The following MAP3K1 variants were observed in gnomAD, a reference collection of about 807,000 sequenced individuals.
The protein encoded by MAP3K1 is MAP/ERK kinase kinase 1.
In MAP3K1, 36 loss-of-function variants were observed where a neutral mutation model predicts 144.2. That is an observed-to-expected ratio of 0.25 (90% CI 0.19 to 0.33). MAP3K1 has a LOEUF of 0.33. Ranked by LOEUF, MAP3K1 falls within the 10% of genes least tolerant of loss-of-function variation. The pLI is 1.00. For synonymous variants in MAP3K1, 718 were observed against 688.7 expected, an observed-to-expected ratio of 1.04 and a Z score of -0.67; for missense variants, 1,650 against 1,881.9, an observed-to-expected ratio of 0.88 and a Z score of 2.28.
intron 1 of MAP3K1, among the ~76,000 whole-genome samples, chr5:56,816,716 C>T (rs1745985916): frequency 5.3e-5 from 8 of 152,176 alleles, no homozygotes; most frequent in Admixed American, 5.2e-4. Flanking sequence ...CTGTCAAAGC[C>T]GTGCGGCGGG....
At position 56,895,215 on chromosome 5, in the gene MAP3K1, G is replaced by A. The variant is rs1748668293; in HGVS notation, c.*1535G>A. 2 of 231,838 alleles carry A rather than the reference G, an allele frequency of 8.6e-6. No homozygotes were observed. The highest frequency in any genetic ancestry group is 4.4e-5 in the African/African-American group (2 of 45,242). 14.4% of individuals were successfully genotyped at this position (231,838 alleles called of 1,614,324 possible). The stretch of plus-strand genomic sequence containing the variant: ...ATATATTGCTTACAATTTTTAAAAG[G>A]CAGTTTGTTTTTTATGTGAATATGT... On this transcript the variant is annotated 3_prime_UTR_variant, in exon 20 of 20. Transcript: ENST00000399503.
intron 1 of MAP3K1, among the ~76,000 whole-genome samples, chr5:56,839,559 A>G (rs1302929915): frequency 6.6e-6 from 1 of 152,172 alleles, no homozygotes; most frequent in African/African-American, 2.4e-5. Flanking sequence ...TCCTTCAATA[A>G]TGTCATTTAG....
chr5:56,862,370 G>A (rs1747542533), intron 3 of MAP3K1, among the ~76,000 whole-genome samples: 1 of 152,176 alleles, frequency 6.6e-6, no homozygotes, highest in African/African-American at 2.4e-5. Context: ...ACCCAGAATT[G>A]ATGTGATAGG....
chr5:56,857,880 G>A (rs1036146812), intron 2 of MAP3K1, among the ~76,000 whole-genome samples: 3 of 152,150 alleles, frequency 2.0e-5, no homozygotes, highest in Admixed American at 1.3e-4. Flanking sequence ...CATTCTAACC[G>A]ATGGAATTAT....
rs1748293799 is a variant in MAP3K1 at position 56,883,684 on chromosome 5, A to G, written c.3819+5A>G. 1.2e-6 allele frequency: 2 copies of G among 1,613,882 alleles called. No homozygotes were observed. The highest frequency in any genetic ancestry group is 1.7e-5 in the Admixed American group (1 of 60,002). The stretch of plus-strand genomic sequence containing the variant: ...ACTTTAATGGCTGTTAAACAGGTAA[A>G]TATCTAGTGAGCATATAAATGAAAT... On this transcript the variant is annotated splice_donor_5th_base_variant and intron_variant, in intron 15 of 19. Coordinates refer to ENST00000399503, the MANE Select transcript of MAP3K1 (RefSeq NM_005921.2).
chr5:56,866,947 C>A (rs1747692474), intron 6 of MAP3K1, among the ~76,000 whole-genome samples: 1 of 152,156 alleles, frequency 6.6e-6, no homozygotes, highest in South Asian at 2.1e-4. Flanking sequence ...AGAGGTTATG[C>A]AGCTCATTTG....
intron 1 of MAP3K1, among the ~76,000 whole-genome samples, chr5:56,819,078 A>G (rs138872535): frequency 2.4e-4 from 37 of 152,354 alleles, no homozygotes; most frequent in African/African-American, 5.8e-4. Flanking sequence ...GAATGGTGTC[A>G]GTTTCATTTT....
At chr5:56,883,189 TCA>T (rs1459003044) in intron 14 of MAP3K1, among the ~76,000 whole-genome samples, 1 of 152,192 alleles carries the variant, frequency 6.6e-6, no homozygotes, top group East Asian at 1.9e-4. Context: ...AGACACTGTC[TCA>T]CAGAGAGCTT....
chr5:56,855,082 C>A (rs1008806131), intron 1 of MAP3K1, among the ~76,000 whole-genome samples: 5 of 152,002 alleles, frequency 3.3e-5, no homozygotes, highest in Admixed American at 2.6e-4. Context: ...CTGTGTTCTT[C>A]ACCCCTACCT....
rs117263919 is a variant in MAP3K1, at chr5:56,862,169, C to G, written c.834+2254C>G. 1.9e-4 allele frequency: 29 copies of G among 152,370 alleles called. 1 individual carries two copies. The East Asian group carries it at 3.7e-3, about 19-fold the overall frequency. The allele number at this position is 152,370 out of a possible 1,614,324, so 9.4% of individuals were successfully genotyped here. A position where few individuals can be genotyped will look rare whatever the true frequency, so the allele number is the denominator to read the frequency against. On this transcript the variant is annotated intron_variant, in intron 3 of 19. Transcript: ENST00000399503. Reference sequence around the variant, plus strand: ...AAAGGTCCAAGACTGCTTCTTCACTCACATGCCTATTGCTTCAGCTGGGAT... The same window carrying G: ...AAAGGTCCAAGACTGCTTCTTCACTGACATGCCTATTGCTTCAGCTGGGAT...
rs201310278 is a variant in MAP3K1 at position 56,879,026 on chromosome 5, C to G, written c.2012C>G (p.Ala671Gly). The change falls in exon 11 of 20, where the codon GCG (alanine) becomes GGG (glycine). Residue 671 changes from alanine (A) to glycine (G), a missense_variant. Coordinates refer to ENST00000399503, the MANE Select transcript of MAP3K1 (RefSeq NM_005921.2). The stretch of plus-strand genomic sequence containing the variant: ...GTATATACTCCTTGCCACAGTTTAG[C>G]GGAAAGAATCAAACTTCAGAGACTT... ...MLVYTPCHSL[A>G]ERIKLQRLLQ... The G allele has an allele frequency of 6.2e-7, 1 of 1,613,634 alleles. No individual in the cohort carries two copies. Among genetic ancestry groups the G allele is most frequent in the Non-Finnish European group, 8.5e-7 (1 of 1,179,794 alleles).
In MAP3K1 at chr5:56,875,163, T is replaced by G. The variant is rs368969543; in HGVS notation, c.1818T>G (p.Ser606=). ...CAAATGGGGAGAGCACTGGAAATTC[T>G]GGGGGCAGCAGTGGAAGCAGCCCGA... ...LLANGESTGN[S]GGSSGSSPSG... The change falls in exon 10 of 20, where the codon TCT becomes TCG. Residue 606 remains serine, a synonymous_variant. Coordinates refer to ENST00000399503, the MANE Select transcript of MAP3K1 (RefSeq NM_005921.2). 1.9e-5 allele frequency: 31 copies of G among 1,614,062 alleles called. No homozygotes were observed. The African/African-American group carries it at 3.6e-4, about 19-fold the overall frequency.
rs1406908752 is a variant in MAP3K1, at chr5:56,865,917, G to A, written c.1241G>A (p.Arg414His). Reference sequence around the variant, plus strand: ...AACACCATCCAGAAGTTTGTTTCACGCATGTCAAATTCTCATACATTGTCA... The same window carrying A: ...AACACCATCCAGAAGTTTGTTTCACACATGTCAAATTCTCATACATTGTCA... ...SRNTIQKFVSRMSNSHTLSSS... is the reference protein window; with the variant it reads ...SRNTIQKFVSHMSNSHTLSSS... Residue 414 changes from arginine to histidine, a missense_variant, in exon 6 of 20, where the codon CGC (arginine) becomes CAC (histidine). Physicochemically the swap from Arg to His is conservative, Grantham distance 29 (BLOSUM62 0). Transcript: ENST00000399503. 3.7e-6 allele frequency: 6 copies of A among 1,612,944 alleles called. No individual in the cohort carries two copies. Among genetic ancestry groups the A allele is most frequent in the South Asian group, 1.1e-5 (1 of 91,044 alleles).
chr5:56,875,951 G>A (rs767605288), intron 10 of MAP3K1, among the ~76,000 whole-genome samples: 11 of 152,068 alleles, frequency 7.2e-5, no homozygotes, highest in Non-Finnish European at 1.5e-4. Context: ...AATAAACATT[G>A]TCATGTGGAG....
At chr5:56,825,782 G>A (rs1462945675) in intron 1 of MAP3K1, among the ~76,000 whole-genome samples, 1 of 152,020 alleles carries the variant, frequency 6.6e-6, no homozygotes, top group Non-Finnish European at 1.5e-5. Context: ...GCTAACCCAG[G>A]GTCAGGCCAC....
At chr5:56,829,275 C>T (rs372833848) in intron 1 of MAP3K1, among the ~76,000 whole-genome samples, 7 of 151,174 alleles carry the variant, frequency 4.6e-5, no homozygotes, top group Non-Finnish European at 8.8e-5. Flanking sequence ...TCAACCTTAG[C>T]GGGCTCAGTG....
In MAP3K1 at chr5:56,815,627, G is replaced by A. The variant is rs994813732; in HGVS notation, c.54G>A (p.Arg18=). 10 of 1,320,836 alleles carry A rather than the reference G, an allele frequency of 7.6e-6. No individual in the cohort carries two copies. Among genetic ancestry groups the A allele is most frequent in the Admixed American group, 3.5e-5 (1 of 28,360 alleles). 81.8% of individuals were successfully genotyped at this position (1,320,836 alleles called of 1,614,324 possible). ...RASSSGFPGA[R]ATSPEAGGGG... is the part of the protein sequence containing the mutation. ...CGTCGTCGGGATTCCCGGGCGCCAG[G>A]GCTACGAGCCCTGAGGCAGGCGGCG... Residue 18 remains arginine, a synonymous_variant, in exon 1 of 20, where the codon AGG becomes AGA. Coordinates refer to ENST00000399503, the MANE Select transcript of MAP3K1 (RefSeq NM_005921.2).
intron 1 of MAP3K1, among the ~76,000 whole-genome samples, chr5:56,847,011 T>G (rs892063891): frequency 3.9e-5 from 6 of 152,188 alleles, no homozygotes; most frequent in African/African-American, 1.4e-4. Context: ...CTGAGAGACA[T>G]GAGTGTGCCA....
intron 19 of MAP3K1, among the ~76,000 whole-genome samples, chr5:56,892,974 T>A (rs36133469): frequency 0.04 from 488 of 12,286 alleles, no homozygotes; most frequent in South Asian, 0.076. Context: ...TTTCTTTTTT[T>A]TTAAAAAAAA....
Sources: allele counts gnomAD v4.1 joint callset (sites outside exome capture counted in the v4.1 genomes callset), GRCh38; gene constraint gnomAD v4.1.1; transcripts MANE v1.5; gene names NCBI Gene and HGNC (gene_info 2026-07-23, HGNC 2026-07-21).